The following CHIA variants were observed in gnomAD, a reference collection of about 807,000 sequenced individuals.
CHIA encodes the protein chitinase acidic, also known as acidic mammalian chitinase.
Under a neutral mutation model 53.5 loss-of-function variants are expected in CHIA, and 47 were observed. That is an observed-to-expected ratio of 0.88 (90% confidence interval 0.70 to 1.12). The LOEUF (loss-of-function observed/expected upper bound fraction) is 1.12. Ranked by LOEUF, CHIA falls within the 50% of genes most tolerant of loss-of-function variation. CHIA has a pLI of 0.00. For missense variants in CHIA, 652 were observed against 592.2 expected (o/e 1.10, Z -1.05); for synonymous variants, 268 against 222.2 (o/e 1.21, Z -1.83).
intron 4 of CHIA, 26 bp downstream of exon 4, chr1:111,312,417 G>T (rs1018953456): frequency 2.1e-5 from 33 of 1,572,854 alleles, no homozygotes; most frequent in Non-Finnish European, 2.5e-5. Flanking sequence ...TATTTAATTT[G>T]GCATCCCCTT....
In CHIA at chr1:111,318,004, T is replaced by C. The variant is rs368843945; in HGVS notation, c.624T>C (p.His208=). Residue 208 remains histidine, a synonymous_variant, in exon 8 of 12, where the codon CAT becomes CAC. Transcript: ENST00000369740. ...ACCTCAGGTACCTGGACTACATCCA[T>C]GTCATGACCTACGACCTCCATGGCT... ...PQLSQYLDYI[H]VMTYDLHGSW... 74 of 1,614,142 alleles carry C rather than the reference T, an allele frequency of 4.6e-5. No individual in the cohort carries two copies. The highest frequency in any genetic ancestry group is 5.3e-5 in the African/African-American group (4 of 75,038).
At chr1:111,306,254 G>C (rs1033272199) in intron 1 of CHIA, among the ~76,000 whole-genome samples, 1 of 152,130 alleles carries the variant, frequency 6.6e-6, no homozygotes, top group Non-Finnish European at 1.5e-5. Flanking sequence ...GAAAACTAAG[G>C]CATTCCTGAA....
Position 111,310,446 on chromosome 1 carries a change from G to A in CHIA, c.-22G>A, listed in dbSNP as rs374220212. 415 of 1,586,420 alleles carry A rather than the reference G, an allele frequency of 2.6e-4. No homozygotes were observed. In the African/African-American group the frequency reaches 4.9e-3, roughly 19 times the overall value. On this transcript the variant is annotated 5_prime_UTR_variant, in exon 2 of 12. Coordinates refer to ENST00000369740, the MANE Select transcript of CHIA (RefSeq NM_201653.4). ...AATCAGAACATATAAAAAGCTCTGC[G>A]GGACTGGTGCTGACTGCAACCATGA...
At chr1:111,304,737 A>C (rs1475166941) in intron 1 of CHIA, among the ~76,000 whole-genome samples, 1 of 152,056 alleles carries the variant, frequency 6.6e-6, no homozygotes, top group African/African-American at 2.4e-5. Flanking sequence ...GGTCTTTTTC[A>C]GAGACATTTC....
In CHIA at chr1:111,309,554, C is replaced by T. The variant is rs1173494294; in HGVS notation, c.-68-846C>T. On this transcript the variant is annotated intron_variant, in intron 1 of 11. Transcript: ENST00000369740. ...AGGCAGTGAGGATAAGGAGACACTG[C>T]AGGCAAGACATTACAGGCAAGGAGT... 6.6e-5 allele frequency among the ~76,000 whole-genome samples: 10 copies of T among 152,210 alleles called. No homozygotes were observed. The South Asian group carries it at 2.1e-3, about 31-fold the overall frequency.
chr1:111,315,732 A>G (rs1383908364), intron 6 of CHIA: 1 of 482,110 alleles, frequency 2.1e-6, no homozygotes, highest in South Asian at 1.6e-5. Context: ...TTTATTTTAC[A>G]GATGAGGAAA....
At position 111,312,225 on chromosome 1, in the gene CHIA, T is replaced by C. The variant is rs2101638890; in HGVS notation, c.91T>C (p.Trp31Arg). ...AYQLTCYFTN[W>R]AQYRPGLGRF... The stretch of plus-strand genomic sequence containing the variant: ...CCAGCTGACATGCTACTTCACCAAC[T>C]GGGCCCAGTACCGGCCAGGCCTGGG... The change falls in exon 4 of 12, where the codon TGG (tryptophan) becomes CGG (arginine). Residue 31 changes from tryptophan to arginine, a missense_variant. By Grantham distance (101) the Trp-to-Arg change is moderately radical (BLOSUM62 -3). Coordinates refer to ENST00000369740, the MANE Select transcript of CHIA (RefSeq NM_201653.4). 2 of 1,614,132 alleles carry C rather than the reference T, an allele frequency of 1.2e-6. No individual in the cohort carries two copies. Among genetic ancestry groups the C allele is most frequent in the East Asian group, 2.2e-5 (1 of 44,882 alleles).
intron 1 of CHIA, among the ~76,000 whole-genome samples, chr1:111,307,866 T>A (rs940785941): frequency 1.3e-5 from 2 of 152,170 alleles, no homozygotes; most frequent in African/African-American, 4.8e-5. Flanking sequence ...GGTCTCAAAC[T>A]CCTGACCTCA....
rs774698859 is a variant in CHIA, at chr1:111,320,349, C to T, written c.1314C>T (p.Tyr438=). The T allele has an allele frequency of 2.5e-6, 4 of 1,614,166 alleles. No individual in the cohort carries two copies. Among genetic ancestry groups the T allele is most frequent in the Non-Finnish European group, 3.4e-6 (4 of 1,180,010 alleles). ...GFCAVRANGL[Y]PVANNRNAFW... Reference sequence around the variant, plus strand: ...GTGCTGTCAGAGCCAACGGCCTCTACCCCGTGGCAAATAACAGAAATGCCT... The same window carrying T: ...GTGCTGTCAGAGCCAACGGCCTCTATCCCGTGGCAAATAACAGAAATGCCT... The change falls in exon 12 of 12, where the codon TAC becomes TAT. Residue 438 remains tyrosine, a synonymous_variant. Coordinates refer to ENST00000369740, the MANE Select transcript of CHIA (RefSeq NM_201653.4).
chr1:111,292,961 A>G (rs190650821), intron 1 of CHIA, among the ~76,000 whole-genome samples: 1 of 152,320 alleles, frequency 6.6e-6, no homozygotes, highest in East Asian at 1.9e-4. Context: ...TGTATATATA[A>G]CAGTTTTGTT....
intron 1 of CHIA, among the ~76,000 whole-genome samples, chr1:111,298,336 A>T (rs999350234): frequency 1.3e-5 from 2 of 152,188 alleles, no homozygotes; most frequent in Admixed American, 6.5e-5. Flanking sequence ...TTGACCACAT[A>T]GTTGGAAGAA....
chr1:111,302,893 C>T (rs540542873), intron 1 of CHIA, among the ~76,000 whole-genome samples: 9 of 152,116 alleles, frequency 5.9e-5, no homozygotes, highest in Non-Finnish European at 8.8e-5. Flanking sequence ...CTATTTCTTC[C>T]TTTAATTCTG....
chr1:111,299,323 G>A (rs1043963011), intron 1 of CHIA, among the ~76,000 whole-genome samples: 6 of 152,112 alleles, frequency 3.9e-5, no homozygotes, highest in South Asian at 4.1e-4. Flanking sequence ...GATGACCATT[G>A]ATGCAAAAAT....
chr1:111,316,621 C>A (rs1240043443), intron 6 of CHIA: 1 of 150,878 alleles, frequency 6.6e-6, no homozygotes. Flanking sequence ...GAAGAATTGA[C>A]CTTGAACTTG....
intron 4 of CHIA, among the ~76,000 whole-genome samples, chr1:111,314,092 C>T (rs1339256362): frequency 6.6e-6 from 1 of 151,980 alleles, no homozygotes; most frequent in Non-Finnish European, 1.5e-5. Flanking sequence ...CTCCCACAAC[C>T]CTTGCACTTA....
chr1:111,311,834 T>A, intron 3 of CHIA, 116 bp downstream of exon 3: 1 of 1,119,110 alleles, frequency 8.9e-7, no homozygotes, highest in Non-Finnish European at 1.4e-6. Flanking sequence ...GGGAGTAATC[T>A]AGTGTTTTGG....
intron 1 of CHIA, among the ~76,000 whole-genome samples, chr1:111,308,313 T>C (rs1412563669): frequency 1.3e-5 from 2 of 152,258 alleles, no homozygotes; most frequent in Non-Finnish European, 2.9e-5. Context: ...CTGTTTGTTT[T>C]TGCAAATCCT....
At chr1:111,298,564 G>A (rs888445047) in intron 1 of CHIA, among the ~76,000 whole-genome samples, 12 of 152,034 alleles carry the variant, frequency 7.9e-5, no homozygotes, top group African/African-American at 2.7e-4. Context: ...GAGACACAAC[G>A]TGCCAGAATC....
intron 4 of CHIA, among the ~76,000 whole-genome samples, chr1:111,313,571 G>A (rs947514768): frequency 2.0e-5 from 3 of 152,044 alleles, no homozygotes; most frequent in Non-Finnish European, 4.4e-5. Flanking sequence ...CTTGACATAT[G>A]GTTTCCAACT....
Sources: allele counts gnomAD v4.1 joint callset (sites outside exome capture counted in the v4.1 genomes callset), GRCh38; gene constraint gnomAD v4.1.1; transcripts MANE v1.5; gene names NCBI Gene and HGNC (gene_info 2026-07-23, HGNC 2026-07-21).